The following KCNK13 variants were observed in gnomAD, a reference collection of about 807,000 sequenced individuals.
KCNK13 encodes the protein potassium channel subfamily K member 13.
A neutral mutation model predicts 23.4 loss-of-function variants in KCNK13; 12 were observed. The observed-to-expected ratio is 0.51, with a 90% confidence interval of 0.33 to 0.83. KCNK13 has a LOEUF of 0.83. KCNK13 is among the 40% of genes least tolerant of loss of function. The pLI, the probability that KCNK13 is intolerant of heterozygous loss-of-function variation, is 0.02. For synonymous variants in KCNK13, 231 were observed against 229.5 expected (o/e 1.01, Z -0.06); for missense variants, 463 against 556.3 (o/e 0.83, Z 1.69).
chr14:90,096,409 A>T (rs1354647675), intron 1 of KCNK13, among the ~76,000 whole-genome samples: 2 of 152,242 alleles, frequency 1.3e-5, no homozygotes, highest in Non-Finnish European at 2.9e-5. Flanking sequence ...TACATCAGGA[A>T]CCAGGGACAA....
rs547806943 is a variant in KCNK13 at position 90,184,741 on chromosome 14, G to A, written c.965G>A (p.Arg322His). Residue 322 changes from arginine (R) to histidine (H), a missense_variant, in exon 2 of 2, where the codon CGC becomes CAC. By Grantham distance (29) the Arg-to-His change is conservative (BLOSUM62 0). Transcript: ENST00000282146. This position sits in a 1 kb window ranked among gnomAD's most constrained non-coding sequence, Gnocchi z 5.6. ...GTGATGCCAGGCAGCGTCCGGAACC[G>A]CTGCAACATCTCCATAGAGACAGAC... Reference protein sequence around the residue: ...NVVMPGSVRNRCNISIETDGV... With the variant: ...NVVMPGSVRNHCNISIETDGV... 1.5e-5 allele frequency: 25 copies of A among 1,614,170 alleles called. No homozygotes were observed. Among genetic ancestry groups the A allele is most frequent in the Middle Eastern group, 1.6e-4 (1 of 6,062 alleles).
At chr14:90,075,148 A>G (rs572041392) in intron 1 of KCNK13, among the ~76,000 whole-genome samples, 1 of 152,080 alleles carries the variant, frequency 6.6e-6, no homozygotes, top group Non-Finnish European at 1.5e-5. Context: ...TTTCAATTCT[A>G]TATTTTTATT....
intron 1 of KCNK13, among the ~76,000 whole-genome samples, chr14:90,102,358 A>G (rs1889492177): frequency 6.6e-6 from 1 of 152,170 alleles, no homozygotes; most frequent in African/African-American, 2.4e-5. Context: ...TAACTCTCCC[A>G]TCAACTATAG....
rs370938898 is a variant in KCNK13 at position 90,184,795 on chromosome 14, G to C, written c.1019G>C (p.Arg340Pro). ...GTGGCAGAGAGTGACACGGACGGGCGCCGGCTCTCAGGGGAGATGATCTCC... is the reference window on the plus strand; with the variant it reads ...GTGGCAGAGAGTGACACGGACGGGCCCCGGCTCTCAGGGGAGATGATCTCC... ...DGVAESDTDG[R>P]RLSGEMISMK... is the part of the protein sequence containing the mutation. Residue 340 changes from arginine (R) to proline (P), a missense_variant, in exon 2 of 2, where the codon CGC becomes CCC. Transcript: ENST00000282146. The surrounding 1 kb of genome is among the most constrained non-coding windows in gnomAD (Gnocchi z 5.6). 1.2e-6 allele frequency: 2 copies of C among 1,612,488 alleles called. No homozygotes were observed. The highest frequency in any genetic ancestry group is 1.7e-6 in the Non-Finnish European group (2 of 1,178,724).
At chr14:90,163,855 A>T (rs1325538932) in intron 1 of KCNK13, among the ~76,000 whole-genome samples, 1 of 151,964 alleles carries the variant, frequency 6.6e-6, no homozygotes, top group Non-Finnish European at 1.5e-5. Flanking sequence ...ACCCCCAGCT[A>T]ATTTTTGTGT....
At chr14:90,126,531 CTTGTTGTTGTTG>C (rs57830227) in intron 1 of KCNK13, among the ~76,000 whole-genome samples, 16 of 150,514 alleles carry the variant, frequency 1.1e-4, no homozygotes, top group Non-Finnish European at 1.9e-4. Context: ...TGACTCTATT[CTTGTTGTTGTTG>C]TTGTTGTTGT....
At chr14:90,103,059 C>T (rs1018792528) in intron 1 of KCNK13, among the ~76,000 whole-genome samples, 1 of 152,122 alleles carries the variant, frequency 6.6e-6, no homozygotes, top group Non-Finnish European at 1.5e-5. Flanking sequence ...GTGTTATACA[C>T]TTAGGATTAT....
At chr14:90,131,229 T>A (rs1294391178) in intron 1 of KCNK13, among the ~76,000 whole-genome samples, 1 of 152,084 alleles carries the variant, frequency 6.6e-6, no homozygotes, top group Non-Finnish European at 1.5e-5. Context: ...TATTTATTTA[T>A]TCATTATTAT....
At chr14:90,088,558 A>G (rs2140399483) in intron 1 of KCNK13, among the ~76,000 whole-genome samples, 1 of 152,296 alleles carries the variant, frequency 6.6e-6, no homozygotes, top group Middle Eastern at 3.4e-3. Flanking sequence ...TTCACTGTCA[A>G]CTTTTTAACA....
chr14:90,158,267 C>T (rs979665799), intron 1 of KCNK13, among the ~76,000 whole-genome samples: 10 of 152,228 alleles, frequency 6.6e-5, no homozygotes, highest in Non-Finnish European at 1.3e-4. Flanking sequence ...CAAGACATGG[C>T]CCCAGGGACC....
At chr14:90,172,841 T>TA (rs997880406) in intron 1 of KCNK13, among the ~76,000 whole-genome samples, 10 of 150,572 alleles carry the variant, frequency 6.6e-5, no homozygotes, top group South Asian at 2.1e-4. Context: ...TTGGCTAGGG[T>TA]AAAAAAAAAG....
At chr14:90,115,057 T>A (rs1160779195) in intron 1 of KCNK13, among the ~76,000 whole-genome samples, 1 of 152,220 alleles carries the variant, frequency 6.6e-6, no homozygotes, top group Non-Finnish European at 1.5e-5. Flanking sequence ...ACCAACCCAA[T>A]GCAGATTCTG....
At chr14:90,166,517 C>T (rs1399457213) in intron 1 of KCNK13, among the ~76,000 whole-genome samples, 1 of 152,080 alleles carries the variant, frequency 6.6e-6, no homozygotes, top group Non-Finnish European at 1.5e-5. Context: ...ACCAGCCTGG[C>T]CAACATGGAG....
chr14:90,135,864 G>A (rs1178366508), intron 1 of KCNK13, among the ~76,000 whole-genome samples: 2 of 152,168 alleles, frequency 1.3e-5, no homozygotes, highest in Non-Finnish European at 2.9e-5. Context: ...CCTTCATGGT[G>A]ACAGCCAGGA....
chr14:90,072,831 G>A (rs1889091790), intron 1 of KCNK13, among the ~76,000 whole-genome samples: 4 of 152,122 alleles, frequency 2.6e-5, no homozygotes, highest in Admixed American at 1.3e-4. Context: ...CAAAGAGTTG[G>A]ACTTGGGGTT....
chr14:90,134,234 C>T (rs1889908864), intron 1 of KCNK13, among the ~76,000 whole-genome samples: 1 of 152,112 alleles, frequency 6.6e-6, no homozygotes, highest in Non-Finnish European at 1.5e-5. Flanking sequence ...GTAGCCTGTG[C>T]AGTTGGTAAG....
At position 90,159,946 on chromosome 14, in the gene KCNK13, GGTGTGTGTGT is replaced by G. The variant is rs3060015; in HGVS notation, c.335-24145_335-24136del. 3.8e-4 allele frequency among the ~76,000 whole-genome samples: 57 copies of G among 148,354 alleles called. No individual in the cohort carries two copies. The South Asian group carries it at 9.5e-3, about 25-fold the overall frequency. Reference sequence around the variant, plus strand: ...TTCTTAATAATCGTGTGTGTGTAGGGGTGTGTGTGTGTGTGTGTGTGTGTGTGTGCACATG... The same window carrying G: ...TTCTTAATAATCGTGTGTGTGTAGGGGTGTGTGTGTGTGTGTGTGCACATG... On this transcript the variant is annotated intron_variant, in intron 1 of 1. Transcript: ENST00000282146.
At chr14:90,149,071 G>A (rs1040700016) in intron 1 of KCNK13, among the ~76,000 whole-genome samples, 22 of 152,200 alleles carry the variant, frequency 1.4e-4, no homozygotes, top group Middle Eastern at 3.4e-3. Flanking sequence ...AGAAAAAGAC[G>A]TTTGCCCAGG....
chr14:90,100,767 C>T (rs1348077897), intron 1 of KCNK13, among the ~76,000 whole-genome samples: 4 of 152,184 alleles, frequency 2.6e-5, no homozygotes, highest in African/African-American at 7.2e-5. Context: ...TCACATCTTA[C>T]TGCAGCCTCC....
Sources: gnomAD v4.1 joint callset for allele counts (sites outside exome capture counted in the v4.1 genomes callset) on GRCh38, gnomAD v4.1.1 for gene constraint, Gnocchi (gnomAD v3.1) non-coding constraint, MANE v1.5 for transcripts, NCBI Gene and HGNC (gene_info 2026-07-23, HGNC 2026-07-21) for gene names.